ITGA8: variants seen among roughly 807,000 people sequenced by gnomAD.
ITGA8 encodes integrin alpha-8.
ITGA8 carries 91 observed loss-of-function variants against 142.3 expected under a neutral mutation model. The observed-to-expected ratio is 0.64, with a 90% CI of 0.54 to 0.76. The LOEUF is 0.76. Ranked by LOEUF, ITGA8 falls within the 30% of genes least tolerant of loss-of-function variation. ITGA8 has a pLI of 0.00. For synonymous variants in ITGA8, 505 were observed against 485.2 expected, an observed-to-expected ratio of 1.04 and a Z score of -0.54; for missense variants, 1,406 against 1,327.7, an observed-to-expected ratio of 1.06 and a Z score of -0.92.
intron 12 of ITGA8, 102 bp from the exon 13 acceptor site, chr10:15,644,323 A>T: frequency 3.6e-6 from 4 of 1,115,862 alleles, no homozygotes; most frequent in Non-Finnish European, 5.0e-6. Flanking sequence ...GCTGGAGTGC[A>T]GTGGTGGGAT....
chr10:15,657,234 G>A (rs559909353), intron 10 of ITGA8, among the ~76,000 whole-genome samples: 6 of 152,256 alleles, frequency 3.9e-5, no homozygotes, highest in Non-Finnish European at 8.8e-5. Context: ...ATGATGAAAA[G>A]TAAACAGATC....
rs185069204 is a variant in ITGA8 at position 15,556,115 on chromosome 10, C to T, written c.2766+1959G>A. Among the ~76,000 whole-genome samples the T allele has an allele frequency of 2.0e-4, 29 of 148,424 alleles. No homozygotes were observed. In the East Asian group the frequency reaches 5.8e-3, roughly 30 times the overall value. ...GATCTCGACTCACTGCAACCTCCAC[C>T]TCCCTAGTTCAAGCGATTCTCCTGC... On this transcript the variant is annotated intron_variant, in intron 26 of 29. Coordinates refer to ENST00000378076, the MANE Select transcript of ITGA8 (RefSeq NM_003638.3).
chr10:15,576,536 A>G (rs189409921), intron 23 of ITGA8, among the ~76,000 whole-genome samples: 2 of 152,320 alleles, frequency 1.3e-5, no homozygotes, highest in African/African-American at 4.8e-5. Flanking sequence ...CTCAACAGAA[A>G]ACATCTCTTT....
intron 14 of ITGA8, 74 bp from the exon 15 acceptor site, chr10:15,613,841 C>A: frequency 2.1e-6 from 2 of 964,542 alleles, no homozygotes; most frequent in Non-Finnish European, 3.4e-6. Flanking sequence ...CACTTCACTG[C>A]ATACTGAACT....
intron 4 of ITGA8, among the ~76,000 whole-genome samples, chr10:15,682,457 C>G (rs950235860): frequency 3.9e-5 from 6 of 152,202 alleles, no homozygotes; most frequent in African/African-American, 1.4e-4. Flanking sequence ...ATCCATTCAG[C>G]TGACATTTGT....
chr10:15,564,116 G>C (rs139450854), intron 25 of ITGA8, among the ~76,000 whole-genome samples: 1 of 152,140 alleles, frequency 6.6e-6, no homozygotes, highest in African/African-American at 2.4e-5. Flanking sequence ...CGTGGCAGGG[G>C]TTGATGGAAC....
rs1326052338 is a variant in ITGA8, at chr10:15,687,999, A to G, written c.383T>C (p.Ile128Thr). 1 of 1,613,612 alleles carries G rather than the reference A, an allele frequency of 6.2e-7. No homozygotes were observed. The highest frequency in any genetic ancestry group is 2.2e-5 in the East Asian group (1 of 44,892). Residue 128 changes from isoleucine (I) to threonine (T), a missense_variant, in exon 3 of 30, where the codon ATC becomes ACC. Physicochemically the swap from Ile to Thr is moderately conservative, Grantham distance 89. Coordinates refer to ENST00000378076, the MANE Select transcript of ITGA8 (RefSeq NM_003638.3). ...KIRVNGTKEP[I>T]EFKSNQWFGA... ...AAACCACTGATTGGATTTGAACTCG[A>G]TAGGTTCTTTGGTTCCATTAACTCT... is the stretch of plus-strand genomic sequence containing the variant.
At chr10:15,669,988 C>T (rs142397041) in intron 8 of ITGA8, among the ~76,000 whole-genome samples, 2,297 of 152,226 alleles carry the variant, frequency 0.015, 49 homozygotes, top group African/African-American at 0.053. Context: ...GCAGTCTGCC[C>T]GTTCTCAGAT....
intron 26 of ITGA8, among the ~76,000 whole-genome samples, chr10:15,550,108 A>C (rs758694469): frequency 3.3e-5 from 5 of 152,144 alleles, no homozygotes; most frequent in Non-Finnish European, 7.4e-5. Context: ...GCAGTGAATA[A>C]GTCTCACGAG....
At chr10:15,599,852 CAG>C (rs1833070728) in intron 20 of ITGA8, among the ~76,000 whole-genome samples, 2 of 152,086 alleles carry the variant, frequency 1.3e-5, no homozygotes, top group Non-Finnish European at 2.9e-5. Context: ...ACCTGGGAGA[CAG>C]AGGTTGCAGT....
intron 15 of ITGA8, among the ~76,000 whole-genome samples, chr10:15,609,357 A>C (rs186940750): frequency 6.6e-6 from 1 of 152,320 alleles, no homozygotes; most frequent in East Asian, 1.9e-4. Context: ...TATGATGTGG[A>C]TATTTCTACA....
chr10:15,609,669 T>C (rs1160608778), intron 15 of ITGA8, among the ~76,000 whole-genome samples: 2 of 152,272 alleles, frequency 1.3e-5, no homozygotes, highest in African/African-American at 4.8e-5. Flanking sequence ...AATTTTGTAG[T>C]AAGCCTGGCT....
chr10:15,642,856 G>C (rs1833895410), intron 13 of ITGA8, among the ~76,000 whole-genome samples: 2 of 152,214 alleles, frequency 1.3e-5, no homozygotes, highest in South Asian at 4.1e-4. Context: ...TAGGCAGTCA[G>C]CTTACTGGAT....
intron 28 of ITGA8, among the ~76,000 whole-genome samples, chr10:15,528,990 C>A (rs1436432905): frequency 1.5e-5 from 2 of 135,910 alleles, no homozygotes; most frequent in African/African-American, 3.0e-5. Flanking sequence ...TTCTTTCTTT[C>A]CTTCCTTCTT....
intron 27 of ITGA8, among the ~76,000 whole-genome samples, chr10:15,532,406 G>T (rs1230225159): frequency 3.0e-5 from 3 of 98,778 alleles, no homozygotes; most frequent in Non-Finnish European, 5.5e-5. Flanking sequence ...GCAACCGAGT[G>T]AGACTCCCTC....
rs536670905 is a variant in ITGA8, at chr10:15,552,390, G to A, written c.2767-3822C>T. Among the ~76,000 whole-genome samples, 6 of 152,138 alleles carry A rather than the reference G, an allele frequency of 3.9e-5. No individual in the cohort carries two copies. The South Asian group carries it at 1.0e-3, about 26-fold the overall frequency. On this transcript the variant is annotated intron_variant, in intron 26 of 29. Coordinates refer to ENST00000378076, the MANE Select transcript of ITGA8 (RefSeq NM_003638.3). ...CCTGACCTCGTGATCCACCCGCCTC[G>A]GCCTCCCACAGTGCTGGGATTACAA... is the stretch of plus-strand genomic sequence containing the variant.
chr10:15,702,124 T>C (rs993335700), intron 2 of ITGA8, among the ~76,000 whole-genome samples: 2 of 152,174 alleles, frequency 1.3e-5, no homozygotes, highest in Non-Finnish European at 2.9e-5. Context: ...ATCACAGTTT[T>C]CCTTACGATG....
At chr10:15,665,892 C>G (rs1187752886) in intron 8 of ITGA8, among the ~76,000 whole-genome samples, 1 of 152,136 alleles carries the variant, frequency 6.6e-6, no homozygotes, top group Non-Finnish European at 1.5e-5. Flanking sequence ...GTTTTGGTAC[C>G]AGTACCATGC....
At position 15,694,304 on chromosome 10, in the gene ITGA8, GATAA is replaced by G. The variant is rs1564412380; in HGVS notation, c.344-6270_344-6267del. Among the ~76,000 whole-genome samples the G allele has an allele frequency of 8.4e-4, 74 of 88,582 alleles. 1 individual carries two copies. Among genetic ancestry groups the G allele is most frequent in the African/African-American group, 2.9e-3 (70 of 23,804 alleles). 58.1% of individuals were successfully genotyped at this position (88,582 alleles called of 152,430 possible). ...ACATCAGATAATATATCATATATATGATAATATATCATATATATGATAATATATC... is the reference window on the plus strand; with the variant it reads ...ACATCAGATAATATATCATATATATGTATATCATATATATGATAATATATC... On this transcript the variant is annotated intron_variant, in intron 2 of 29. Transcript: ENST00000378076.
Sources: gnomAD v4.1 joint callset for allele counts (sites outside exome capture counted in the v4.1 genomes callset) on GRCh38, gnomAD v4.1.1 for gene constraint, MANE v1.5 for transcripts, NCBI Gene and HGNC (gene_info 2026-07-23, HGNC 2026-07-21) for gene names.